Variants in STPG2 observed in about 807,000 individuals in gnomAD.
STPG2 encodes the protein sperm tail PG-rich repeat containing 2.
A neutral mutation model predicts 54.2 loss-of-function variants in STPG2; 56 were observed. That is an observed-to-expected ratio of 1.03 (90% CI 0.83 to 1.29). STPG2 has a LOEUF of 1.29. Ranked by LOEUF, STPG2 falls within the 50% of genes most tolerant of loss-of-function variation. The pLI, the probability that STPG2 is intolerant of heterozygous loss-of-function variation, is 0.00. For synonymous variants in STPG2, 200 were observed against 181.8 expected, an observed-to-expected ratio of 1.10 and a Z score of -0.81; for missense variants, 596 against 544.9, an observed-to-expected ratio of 1.09 and a Z score of -0.93.
chr4:98,031,143 T>TA (rs768719692), intron 5 of STPG2, among the ~76,000 whole-genome samples: 6 of 152,030 alleles, frequency 3.9e-5, no homozygotes, highest in Non-Finnish European at 7.4e-5. Flanking sequence ...AACAAAAACA[T>TA]AAAGTGGTGA....
At chr4:97,816,729 CCTCT>C (rs1347091666) in intron 9 of STPG2, among the ~76,000 whole-genome samples, 2 of 150,008 alleles carry the variant, frequency 1.3e-5, no homozygotes, top group Admixed American at 6.6e-5. Context: ...TTCCTCCCTC[CCTCT>C]CTTTCTCTAC....
chr4:97,796,713 A>G (rs563341002), intron 9 of STPG2, among the ~76,000 whole-genome samples: 1 of 152,308 alleles, frequency 6.6e-6, no homozygotes, highest in South Asian at 2.1e-4. Flanking sequence ...TAAACTTTAA[A>G]GTAGTTTTTT....
chr4:97,576,603 G>A (rs1397710432), intron 10 of STPG2, among the ~76,000 whole-genome samples: 2 of 152,100 alleles, frequency 1.3e-5, no homozygotes, highest in African/African-American at 4.8e-5. Flanking sequence ...ACTCAAGATA[G>A]ATTAAAGACT....
intron 10 of STPG2, among the ~76,000 whole-genome samples, chr4:97,660,452 A>T (rs2148960848): frequency 6.6e-6 from 1 of 152,362 alleles, no homozygotes; most frequent in South Asian, 2.1e-4. Flanking sequence ...AGAATACTGT[A>T]ACAATCCTAT....
At chr4:97,797,367 T>C (rs1326530360) in intron 9 of STPG2, among the ~76,000 whole-genome samples, 2 of 152,216 alleles carry the variant, frequency 1.3e-5, no homozygotes, top group African/African-American at 4.8e-5. Flanking sequence ...GCCCCATCAA[T>C]ACCTAATTTC....
chr4:97,875,584 C>A (rs1309068530), intron 8 of STPG2, among the ~76,000 whole-genome samples: 1 of 151,760 alleles, frequency 6.6e-6, no homozygotes, highest in Non-Finnish European at 1.5e-5. Flanking sequence ...GAAATTCTTC[C>A]AGAGGAAAAA....
intron 8 of STPG2, chr4:97,893,031 T>C (rs895075200): frequency 6.6e-6 from 1 of 152,174 alleles, no homozygotes; most frequent in Non-Finnish European, 1.5e-5. Flanking sequence ...ATTATTCATG[T>C]CTGAAAGTCC....
At chr4:97,905,255 G>C (rs1483630141) in intron 8 of STPG2, among the ~76,000 whole-genome samples, 6 of 152,112 alleles carry the variant, frequency 3.9e-5, no homozygotes, top group Admixed American at 6.5e-5. Flanking sequence ...AACAGCGGAT[G>C]TCTCGGCAGA....
At chr4:97,848,536 G>A (rs1432292356) in intron 8 of STPG2, among the ~76,000 whole-genome samples, 1 of 151,970 alleles carries the variant, frequency 6.6e-6, no homozygotes, top group African/African-American at 2.4e-5. Flanking sequence ...CATGTTTTTT[G>A]CTGCATCGTA....
intron 9 of STPG2, among the ~76,000 whole-genome samples, chr4:97,835,227 C>A (rs1578606283): frequency 6.6e-6 from 1 of 152,106 alleles, no homozygotes; most frequent in African/African-American, 2.4e-5. Context: ...GTCATCCTCA[C>A]TGATACACTC....
intron 8 of STPG2, among the ~76,000 whole-genome samples, chr4:97,874,716 A>G (rs535580554): frequency 4.8e-4 from 73 of 151,888 alleles, no homozygotes; most frequent in South Asian, 4.6e-3. Context: ...TATGGACTCA[A>G]TGTGCCCCCC....
At chr4:98,045,290 T>C (rs1375035416) in intron 5 of STPG2, among the ~76,000 whole-genome samples, 1 of 152,152 alleles carries the variant, frequency 6.6e-6, no homozygotes, top group Non-Finnish European at 1.5e-5. Flanking sequence ...GTTTTAGGTC[T>C]TGATTTATGT....
intron 8 of STPG2, among the ~76,000 whole-genome samples, chr4:97,906,313 C>G (rs772474528): frequency 4.9e-4 from 74 of 152,024 alleles, no homozygotes; most frequent in Non-Finnish European, 9.6e-4. Flanking sequence ...AAGACTAAAC[C>G]AGGAAGAAGT....
intron 10 of STPG2, among the ~76,000 whole-genome samples, chr4:97,630,657 C>T (rs74623098): frequency 0.017 from 2,631 of 151,820 alleles, 68 homozygotes; most frequent in African/African-American, 0.059. Context: ...TAGCTTTCTA[C>T]ATAAAACAAA....
chr4:97,937,928 C>T (rs1732809878), intron 8 of STPG2, among the ~76,000 whole-genome samples: 1 of 152,166 alleles, frequency 6.6e-6, no homozygotes, highest in Admixed American at 6.5e-5. Flanking sequence ...AGGGGGTGTA[C>T]TGCACTTGGG....
At chr4:97,941,730 T>G (rs1732992442) in intron 8 of STPG2, among the ~76,000 whole-genome samples, 4 of 152,042 alleles carry the variant, frequency 2.6e-5, no homozygotes, top group South Asian at 4.1e-4. Context: ...AATAATAAAA[T>G]TAATTCCATT....
chr4:97,601,117 A>G (rs1578416580), intron 10 of STPG2, among the ~76,000 whole-genome samples: 1 of 152,156 alleles, frequency 6.6e-6, no homozygotes, highest in Non-Finnish European at 1.5e-5. Context: ...CATTATTCCA[A>G]TTGTTGCAGG....
At chr4:97,872,454 T>C (rs1329007631) in intron 8 of STPG2, among the ~76,000 whole-genome samples, 3 of 151,038 alleles carry the variant, frequency 2.0e-5, no homozygotes, top group Non-Finnish European at 4.5e-5. Flanking sequence ...CAGAAACAAA[T>C]ATCCTTCACA....
At chr4:97,476,880 A>T (rs1190409993) in intron 4 of STPG2, among the ~76,000 whole-genome samples, 3 of 152,226 alleles carry the variant, frequency 2.0e-5, no homozygotes, top group Admixed American at 6.5e-5. Context: ...TGAATCAGTA[A>T]ATATTTACTG....
Sources: gnomAD v4.1 joint callset for allele counts (sites outside exome capture counted in the v4.1 genomes callset) on GRCh38, gnomAD v4.1.1 for gene constraint, MANE v1.5 for transcripts, NCBI Gene and HGNC (gene_info 2026-07-23, HGNC 2026-07-21) for gene names.